The following ARHGAP26 variants were observed in gnomAD, a reference collection of about 807,000 sequenced individuals.
ARHGAP26 encodes the protein rho GTPase-activating protein 26.
Under a neutral mutation model 104.8 loss-of-function variants are expected in ARHGAP26, and 38 were observed. That is an observed-to-expected ratio of 0.36 (90% CI 0.28 to 0.48). The LOEUF (loss-of-function observed/expected upper bound fraction) is 0.48. ARHGAP26 is among the 20% of genes least tolerant of loss of function. ARHGAP26 has a pLI of 0.99. For missense variants in ARHGAP26, 704 were observed against 947.9 expected, an observed-to-expected ratio of 0.74 and a Z score of 3.38; for synonymous variants, 341 against 340.0, an observed-to-expected ratio of 1.00 and a Z score of -0.03.
chr5:142,807,660 C>T (rs1229709923), intron 1 of ARHGAP26, among the ~76,000 whole-genome samples: 3 of 152,158 alleles, frequency 2.0e-5, no homozygotes, highest in African/African-American at 7.2e-5. Flanking sequence ...GATACATTCC[C>T]AGAATGTTCA....
At chr5:142,977,331 G>T (rs762837408) in intron 11 of ARHGAP26, among the ~76,000 whole-genome samples, 1 of 152,040 alleles carries the variant, frequency 6.6e-6, no homozygotes, top group Non-Finnish European at 1.5e-5. Flanking sequence ...TTCACAATTT[G>T]TGGCATTGCT....
chr5:142,817,052 G>T lies in ARHGAP26; in HGVS notation c.154+46137G>T, dbSNP rs527560996. Among the ~76,000 whole-genome samples the T allele has an allele frequency of 7.2e-5, 11 of 152,280 alleles. No homozygotes were observed. In the East Asian group the frequency reaches 2.1e-3, roughly 29 times the overall value. Reference sequence around the variant, plus strand: ...AGGGCAGAGGGAGGGGACAGAGAGGGTGATGGGATTTTGCATCTTGGGCTT... The same window carrying T: ...AGGGCAGAGGGAGGGGACAGAGAGGTTGATGGGATTTTGCATCTTGGGCTT... On this transcript the variant is annotated intron_variant, in intron 1 of 22. Coordinates refer to ENST00000645722, the MANE Select transcript of ARHGAP26 (RefSeq NM_001135608.3).
At chr5:143,186,860 TC>T (rs753511033) in intron 20 of ARHGAP26, among the ~76,000 whole-genome samples, 1 of 152,196 alleles carries the variant, frequency 6.6e-6, no homozygotes, top group Non-Finnish European at 1.5e-5. Context: ...TTTCTCTCTT[TC>T]CATTTGGTTG....
At chr5:142,915,949 T>C (rs1762424108) in intron 10 of ARHGAP26, among the ~76,000 whole-genome samples, 1 of 152,162 alleles carries the variant, frequency 6.6e-6, no homozygotes, top group Non-Finnish European at 1.5e-5. Context: ...CAATGTCCTT[T>C]AGCGAGGAGG....
At chr5:143,004,646 A>G (rs1322131489) in intron 11 of ARHGAP26, among the ~76,000 whole-genome samples, 2 of 152,128 alleles carry the variant, frequency 1.3e-5, no homozygotes, top group Non-Finnish European at 1.5e-5. Flanking sequence ...CCTGACCTTC[A>G]TCTCTGTTCA....
At chr5:142,796,400 TA>T (rs767078967) in intron 1 of ARHGAP26, among the ~76,000 whole-genome samples, 1 of 152,232 alleles carries the variant, frequency 6.6e-6, no homozygotes, top group Non-Finnish European at 1.5e-5. Context: ...AAATGATTGC[TA>T]AAGTTCCTAC....
chr5:143,171,672 C>A (rs892686352), intron 20 of ARHGAP26, among the ~76,000 whole-genome samples: 1 of 152,080 alleles, frequency 6.6e-6, no homozygotes, highest in African/African-American at 2.4e-5. Flanking sequence ...TATTTTTTTC[C>A]CATACTTGTG....
chr5:142,909,292 C>T (rs1269336563), intron 9 of ARHGAP26, among the ~76,000 whole-genome samples: 1 of 152,208 alleles, frequency 6.6e-6, no homozygotes, highest in African/African-American at 2.4e-5. Context: ...TGTCGATAAA[C>T]TAGTCCTCTA....
At chr5:143,043,803 CTGTAA>C (rs1190009746) in intron 14 of ARHGAP26, among the ~76,000 whole-genome samples, 1 of 152,082 alleles carries the variant, frequency 6.6e-6, no homozygotes, top group Non-Finnish European at 1.5e-5. Context: ...TATATGAAAG[CTGTAA>C]TGTAAAGTAT....
At chr5:142,931,057 C>G (rs1764644090) in intron 10 of ARHGAP26, among the ~76,000 whole-genome samples, 1 of 152,228 alleles carries the variant, frequency 6.6e-6, no homozygotes, top group African/African-American at 2.4e-5. Context: ...CAGTGGACCT[C>G]TTCCTCCTTT....
intron 17 of ARHGAP26, among the ~76,000 whole-genome samples, chr5:143,081,355 C>T (rs377353288): frequency 2.1e-4 from 32 of 152,280 alleles, no homozygotes; most frequent in African/African-American, 6.7e-4. Flanking sequence ...CTAGTCAGGA[C>T]TCACACCATA....
chr5:142,807,573 G>C (rs762274888), intron 1 of ARHGAP26, among the ~76,000 whole-genome samples: 10 of 152,194 alleles, frequency 6.6e-5, no homozygotes, highest in Non-Finnish European at 1.2e-4. Flanking sequence ...CTTTATTGCT[G>C]CCCCTCTGTC....
intron 12 of ARHGAP26, among the ~76,000 whole-genome samples, chr5:143,027,861 G>C (rs1017009965): frequency 2.6e-5 from 4 of 152,130 alleles, no homozygotes; most frequent in African/African-American, 9.7e-5. Context: ...TTCCAAGTGG[G>C]GTTCTCGCAT....
In ARHGAP26 at chr5:142,871,660, C is replaced by CTCCTGCCT. The variant is rs1406636418; in HGVS notation, c.155-1732_155-1725dup. 5.9e-5 allele frequency among the ~76,000 whole-genome samples: 9 copies of CTCCTGCCT among 152,178 alleles called. No individual in the cohort carries two copies. The highest frequency in any genetic ancestry group is 2.2e-4 in the African/African-American group (9 of 41,442). On this transcript the variant is annotated intron_variant, in intron 1 of 22. Coordinates refer to ENST00000645722, the MANE Select transcript of ARHGAP26 (RefSeq NM_001135608.3). The surrounding 1 kb of genome is among the most constrained non-coding windows in gnomAD (Gnocchi z 4.1). ...TTTTCTTGTGTCTACCTGTAGCCTCCTCCTGCCTTCCTGCCCACGGTGTTC... is the reference window on the plus strand; with the variant it reads ...TTTTCTTGTGTCTACCTGTAGCCTCCTCCTGCCTTCCTGCCTTCCTGCCCACGGTGTTC...
At chr5:143,013,354 C>T (rs1177104353) in intron 11 of ARHGAP26, among the ~76,000 whole-genome samples, 5 of 152,128 alleles carry the variant, frequency 3.3e-5, no homozygotes, top group Admixed American at 2.6e-4. Context: ...ATGTCTGACC[C>T]GTTGCAGGAA....
intron 11 of ARHGAP26, among the ~76,000 whole-genome samples, chr5:142,945,915 T>G (rs1767036177): frequency 6.6e-6 from 1 of 152,190 alleles, no homozygotes; most frequent in East Asian, 1.9e-4. Context: ...ATATTGCAAT[T>G]AGTTGTCACA....
intron 19 of ARHGAP26, among the ~76,000 whole-genome samples, chr5:143,134,840 G>A (rs367984190): frequency 6.6e-6 from 1 of 152,234 alleles, no homozygotes; most frequent in Non-Finnish European, 1.5e-5. Context: ...GAAGTTATGC[G>A]AATTAAATGA....
At chr5:143,192,254 G>A (rs142988294) in intron 20 of ARHGAP26, among the ~76,000 whole-genome samples, 33 of 152,366 alleles carry the variant, frequency 2.2e-4, no homozygotes, top group Middle Eastern at 3.4e-3. Flanking sequence ...CCTGAGGAAG[G>A]AGGTCGCATT....
chr5:142,978,631 A>G (rs74791430), intron 11 of ARHGAP26, among the ~76,000 whole-genome samples: 3,557 of 152,168 alleles, frequency 0.023, 148 homozygotes, highest in African/African-American at 0.081. Flanking sequence ...TTCTCAGTGC[A>G]TTTGAATGAG....
Sources: gnomAD v4.1 joint callset for allele counts (sites outside exome capture counted in the v4.1 genomes callset) on GRCh38, gnomAD v4.1.1 for gene constraint, Gnocchi (gnomAD v3.1) non-coding constraint, MANE v1.5 for transcripts, NCBI Gene and HGNC (gene_info 2026-07-23, HGNC 2026-07-21) for gene names.